Variants in SGCD observed in about 807,000 individuals in gnomAD.
The protein encoded by SGCD is sarcoglycan delta.
A neutral mutation model predicts 36.6 loss-of-function variants in SGCD; 18 were observed. That is an observed-to-expected ratio of 0.49 (90% CI 0.34 to 0.73). The LOEUF is 0.73. Among genes scored for constraint, SGCD ranks in the 30% least tolerant of loss-of-function variants. The pLI is 0.01. For synonymous variants in SGCD, 133 were observed against 130.6 expected (o/e 1.02, Z -0.12); for missense variants, 387 against 346.7 (o/e 1.12, Z -0.92).
chr5:155,864,518 A>G, the SGCD span, among the ~76,000 whole-genome samples: 3 of 152,168 alleles, frequency 2.0e-5, no homozygotes, highest in Non-Finnish European at 4.4e-5. Flanking sequence ...AAGGAGGGCT[A>G]GGTTATTGAA....
chr5:156,643,660 T>G (rs1763123765), intron 6 of SGCD, among the ~76,000 whole-genome samples: 1 of 152,148 alleles, frequency 6.6e-6, no homozygotes, highest in South Asian at 2.1e-4. Context: ...AAATCAGGTT[T>G]TTGGTTTCTC....
chr5:156,493,905 C>T (rs1283563251), intron 3 of SGCD, among the ~76,000 whole-genome samples: 1 of 152,096 alleles, frequency 6.6e-6, no homozygotes, highest in Non-Finnish European at 1.5e-5. Context: ...CATCTTTGTA[C>T]CTGCCTCTCA....
chr5:155,845,759 G>T, the SGCD span, among the ~76,000 whole-genome samples: 1 of 152,154 alleles, frequency 6.6e-6, no homozygotes, highest in Non-Finnish European at 1.5e-5. Flanking sequence ...CTGGGAGGTG[G>T]AGGCTAGGAG....
At chr5:155,738,719 AGAGT>A in the SGCD span, among the ~76,000 whole-genome samples, 4 of 148,750 alleles carry the variant, frequency 2.7e-5, no homozygotes, top group East Asian at 4.0e-4. Context: ...TGAGTGTGAG[AGAGT>A]GTGTGTGAGA....
chr5:156,407,029 A>G lies in SGCD; in HGVS notation c.192+62352A>G, dbSNP rs547756127. On this transcript the variant is annotated intron_variant, in intron 3 of 8. Coordinates refer to ENST00000337851, the MANE Select transcript of SGCD (RefSeq NM_000337.6). ...AGAGAAAGATGTAGGCTGGGAGGCT[A>G]GGCCAGTCTTGCTTTTTCACGTTTT... 3.9e-5 allele frequency among the ~76,000 whole-genome samples: 6 copies of G among 151,900 alleles called. No homozygotes were observed. In the East Asian group the frequency reaches 9.8e-4, roughly 25 times the overall value.
intron 4 of SGCD, 101 bp downstream of exon 4, chr5:156,508,803 G>T: frequency 1.6e-6 from 1 of 629,908 alleles, no homozygotes; most frequent in East Asian, 2.7e-5. Flanking sequence ...TTGGGGTGGG[G>T]AGTAATACTG....
chr5:156,736,101 C>T (rs1342000179), intron 7 of SGCD, among the ~76,000 whole-genome samples: 1 of 152,174 alleles, frequency 6.6e-6, no homozygotes, highest in Non-Finnish European at 1.5e-5. Context: ...TTGCTCTTCT[C>T]CATTCTCTGT....
At chr5:156,209,037 G>A (rs1346184976) in intron 3 of SGCD, among the ~76,000 whole-genome samples, 5 of 152,142 alleles carry the variant, frequency 3.3e-5, no homozygotes, top group Non-Finnish European at 5.9e-5. Context: ...AGAGGGAAGT[G>A]AGCACCAGAC....
rs552752424 is a variant in SGCD, at chr5:156,501,568, C to A, written c.193-7033C>A. Among the ~76,000 whole-genome samples the A allele has an allele frequency of 1.2e-4, 18 of 152,300 alleles. No individual in the cohort carries two copies. In the East Asian group the frequency reaches 3.5e-3, roughly 29 times the overall value. Reference sequence around the variant, plus strand: ...CAAATGCCATAGTCTTTGCACCAGCCCAGAGGGTAATTCCCCAGATTCCAC... The same window carrying A: ...CAAATGCCATAGTCTTTGCACCAGCACAGAGGGTAATTCCCCAGATTCCAC... On this transcript the variant is annotated intron_variant, in intron 3 of 8. Transcript: ENST00000337851.
the SGCD span, among the ~76,000 whole-genome samples, chr5:155,765,657 AAAGT>A: frequency 7.2e-5 from 11 of 152,338 alleles, no homozygotes; most frequent in Non-Finnish European, 1.5e-4. Flanking sequence ...GCAGTATTTC[AAAGT>A]GAGTAACCAA....
the SGCD span, among the ~76,000 whole-genome samples, chr5:155,735,753 AC>A: frequency 5.3e-5 from 8 of 152,264 alleles, no homozygotes; most frequent in African/African-American, 1.9e-4. Context: ...GATCGGGCAA[AC>A]TCCTATAGTC....
intron 1 of SGCD, among the ~76,000 whole-genome samples, chr5:155,966,947 GTGTGTGTGTGTA>G (rs1324237531): frequency 1.3e-5 from 2 of 151,192 alleles, no homozygotes; most frequent in African/African-American, 4.9e-5. Flanking sequence ...GTGTGTGTGT[GTGTGTGTGTGTA>G]TGTGTGTGTA....
At chr5:156,025,051 T>C (rs1006472962) in intron 1 of SGCD, among the ~76,000 whole-genome samples, 2 of 152,208 alleles carry the variant, frequency 1.3e-5, no homozygotes, top group Non-Finnish European at 2.9e-5. Flanking sequence ...TAACAAATTA[T>C]TTTCCATATT....
Position 156,334,609 on chromosome 5 carries a change from CTT to C in SGCD, c.3+5049_3+5050del, listed in dbSNP as rs35767339. Among the ~76,000 whole-genome samples the C allele has an allele frequency of 5.0e-3, 522 of 105,092 alleles. 4 individuals are homozygous for C. Among genetic ancestry groups the C allele is most frequent in the South Asian group, 0.014 (42 of 3,006 alleles). 68.9% of individuals were successfully genotyped at this position (105,092 alleles called of 152,430 possible). On this transcript the variant is annotated intron_variant, in intron 2 of 8. Transcript: ENST00000337851. Reference sequence around the variant, plus strand: ...GCCCCTGGTACTGCTGGTCTATTTTCTTTTTTTTTTTTTTTTTTTTGGCTTTT... The same window carrying C: ...GCCCCTGGTACTGCTGGTCTATTTTCTTTTTTTTTTTTTTTTTTGGCTTTT...
chr5:156,243,532 ATT>A (rs1765357586), intron 3 of SGCD, among the ~76,000 whole-genome samples: 1 of 152,186 alleles, frequency 6.6e-6, no homozygotes, highest in Non-Finnish European at 1.5e-5. Context: ...AATACTATAA[ATT>A]TGTTATGTTT....
chr5:155,797,975 C>T, the SGCD span, among the ~76,000 whole-genome samples: 2 of 152,288 alleles, frequency 1.3e-5, no homozygotes, highest in East Asian at 3.9e-4. Context: ...AGAAAAAGTG[C>T]TATTTCGCAA....
chr5:156,488,112 T>TG (rs1275156814), intron 3 of SGCD, among the ~76,000 whole-genome samples: 1 of 144,986 alleles, frequency 6.9e-6, no homozygotes, highest in Admixed American at 6.8e-5. Context: ...TTTTTTTTTT[T>TG]TTTTTTTTTT....
chr5:155,795,696 TAA>T, the SGCD span, among the ~76,000 whole-genome samples: 1 of 152,060 alleles, frequency 6.6e-6, no homozygotes, highest in East Asian at 1.9e-4. Flanking sequence ...AAAGAATAAT[TAA>T]AAGACTAAAA....
At chr5:156,164,769 A>T (rs1471855140) in intron 3 of SGCD, among the ~76,000 whole-genome samples, 1 of 152,232 alleles carries the variant, frequency 6.6e-6, no homozygotes, top group Admixed American at 6.5e-5. Context: ...CATGAAGTGT[A>T]CAAAACACTG....
Sources: allele counts gnomAD v4.1 joint callset (sites outside exome capture counted in the v4.1 genomes callset), GRCh38; gene constraint gnomAD v4.1.1; transcripts MANE v1.5; gene names NCBI Gene and HGNC (gene_info 2026-07-23, HGNC 2026-07-21).